Variants in DGKI observed in about 807,000 individuals in gnomAD.
The protein encoded by DGKI is diacylglycerol kinase iota.
DGKI carries 55 observed loss-of-function variants against 147.5 expected under a neutral mutation model. That is an observed-to-expected ratio of 0.37 (90% CI 0.30 to 0.47). The LOEUF is 0.47. Ranked by LOEUF, DGKI falls within the 20% of genes least tolerant of loss-of-function variation. The pLI is 1.00. For synonymous variants in DGKI, 469 were observed against 477.1 expected (o/e 0.98, Z 0.22); for missense variants, 1,007 against 1,323.8 (o/e 0.76, Z 3.71).
intron 20 of DGKI, among the ~76,000 whole-genome samples, chr7:137,529,831 C>T (rs940763730): frequency 5.3e-5 from 8 of 152,184 alleles, no homozygotes; most frequent in African/African-American, 2.4e-5. Context: ...CTCTCTGCAA[C>T]CTCTGCCTCC....
intron 1 of DGKI, among the ~76,000 whole-genome samples, chr7:137,814,530 C>G (rs1045294397): frequency 6.6e-6 from 1 of 152,134 alleles, no homozygotes; most frequent in Non-Finnish European, 1.5e-5. Context: ...ATCCCCCACT[C>G]CCCATAGCAT....
chr7:137,691,811 T>TTTTTTTTTTTTTTTTTTTTTTTTTTTTTC (rs1823622804), intron 1 of DGKI, among the ~76,000 whole-genome samples: 1 of 145,730 alleles, frequency 6.9e-6, no homozygotes, highest in Non-Finnish European at 1.5e-5. Context: ...TTTTTTTTTT[T>TTTTTTTTTTTTTTTTTTTTTTTTTTTTTC]TTTTTTTTTT....
intron 6 of DGKI, among the ~76,000 whole-genome samples, chr7:137,625,846 T>C (rs1195248675): frequency 6.6e-6 from 1 of 152,172 alleles, no homozygotes; most frequent in African/African-American, 2.4e-5. Context: ...GAGACCTGCA[T>C]ACCTAACCCT....
intron 32 of DGKI, 47 bp from the exon 33 acceptor site, chr7:137,391,383 A>T: frequency 7.6e-7 from 1 of 1,318,440 alleles, no homozygotes; most frequent in Non-Finnish European, 1.0e-6. Context: ...AGAGATAGAC[A>T]CAAGCGCTAG....
chr7:137,782,306 T>C (rs1585485069), intron 1 of DGKI, among the ~76,000 whole-genome samples: 1 of 151,870 alleles, frequency 6.6e-6, no homozygotes, highest in Non-Finnish European at 1.5e-5. Flanking sequence ...GGACGATGGG[T>C]GAGGCCTGTG....
chr7:137,543,330 A>G (rs1051386274), intron 20 of DGKI, among the ~76,000 whole-genome samples: 1 of 152,208 alleles, frequency 6.6e-6, no homozygotes, highest in South Asian at 2.1e-4. Context: ...GTCCTATTGG[A>G]TGAGACCAGT....
At chr7:137,621,596 T>C (rs1436073868) in intron 7 of DGKI, among the ~76,000 whole-genome samples, 1 of 152,230 alleles carries the variant, frequency 6.6e-6, no homozygotes, top group Non-Finnish European at 1.5e-5. Flanking sequence ...TGTGTTCAAA[T>C]CTTTTGTACC....
intron 20 of DGKI, among the ~76,000 whole-genome samples, chr7:137,529,193 A>T (rs997487864): frequency 2.6e-5 from 4 of 152,136 alleles, no homozygotes; most frequent in South Asian, 2.1e-4. Context: ...TGCTTAGGGG[A>T]GCGTGAATGA....
intron 1 of DGKI, among the ~76,000 whole-genome samples, chr7:137,717,775 T>C (rs1470319563): frequency 3.3e-5 from 5 of 152,204 alleles, no homozygotes; most frequent in Non-Finnish European, 5.9e-5. Flanking sequence ...AACAAGAGCA[T>C]GCTTTACCTT....
At chr7:137,754,357 C>A (rs1296009424) in intron 1 of DGKI, among the ~76,000 whole-genome samples, 1 of 152,136 alleles carries the variant, frequency 6.6e-6, no homozygotes, top group Admixed American at 6.5e-5. Flanking sequence ...GGAGGGAGAT[C>A]ACATCTTCAG....
intron 14 of DGKI, among the ~76,000 whole-genome samples, chr7:137,583,863 C>T (rs1819292171): frequency 6.6e-6 from 1 of 151,906 alleles, no homozygotes; most frequent in Admixed American, 6.6e-5. Context: ...AACATTGTGA[C>T]ATTATAAACT....
At chr7:137,768,506 A>G (rs775711488) in intron 1 of DGKI, among the ~76,000 whole-genome samples, 12 of 152,222 alleles carry the variant, frequency 7.9e-5, no homozygotes, top group Non-Finnish European at 1.8e-4. Context: ...CAGCTTCTGC[A>G]AAAGCTAAGC....
At chr7:137,414,945 A>G (rs1333120160) in intron 28 of DGKI, among the ~76,000 whole-genome samples, 1 of 152,248 alleles carries the variant, frequency 6.6e-6, no homozygotes, top group Non-Finnish European at 1.5e-5. Flanking sequence ...AGTGTTTTAT[A>G]AATAGGTATG....
chr7:137,621,842 G>A (rs748875573), intron 7 of DGKI, among the ~76,000 whole-genome samples: 1 of 152,178 alleles, frequency 6.6e-6, no homozygotes, highest in Non-Finnish European at 1.5e-5. Context: ...GCTGCACAGG[G>A]CAGGAGCAGA....
At chr7:137,802,679 C>T (rs1248792550) in intron 1 of DGKI, among the ~76,000 whole-genome samples, 1 of 152,168 alleles carries the variant, frequency 6.6e-6, no homozygotes, top group African/African-American at 2.4e-5. Flanking sequence ...CTGAGATTTT[C>T]CAGAGTAAAT....
At chr7:137,722,123 G>A (rs79677501) in intron 1 of DGKI, 17 of 1,598,512 alleles carry the variant, frequency 1.1e-5, no homozygotes, top group African/African-American at 2.7e-5. Flanking sequence ...CATTGCAGCC[G>A]CAACCCTGTC....
At chr7:137,560,730 AG>A (rs1818392439) in intron 19 of DGKI, among the ~76,000 whole-genome samples, 1 of 152,218 alleles carries the variant, frequency 6.6e-6, no homozygotes. Context: ...ATGCAAGAAT[AG>A]AAACAGGCTG....
intron 9 of DGKI, 72 bp downstream of exon 9, chr7:137,609,463 A>G (rs996533487): frequency 6.0e-6 from 7 of 1,175,466 alleles, no homozygotes; most frequent in Non-Finnish European, 6.3e-6. Context: ...AACTTGGACC[A>G]GATCTCATAG....
intron 21 of DGKI, among the ~76,000 whole-genome samples, chr7:137,511,784 A>G (rs1816588804): frequency 6.6e-6 from 1 of 152,212 alleles, no homozygotes; most frequent in East Asian, 1.9e-4. Context: ...TCATTTTCCC[A>G]GAGGCTAAAA....
Sources: allele counts gnomAD v4.1 joint callset (sites outside exome capture counted in the v4.1 genomes callset), GRCh38; gene constraint gnomAD v4.1.1; transcripts MANE v1.5; gene names NCBI Gene and HGNC (gene_info 2026-07-23, HGNC 2026-07-21).